CCDC197: variants seen among roughly 807,000 people sequenced by gnomAD.
CCDC197 encodes coiled-coil domain containing 197, also known as uncharacterized protein CCDC197.
In CCDC197, 24 loss-of-function variants were observed where a neutral mutation model predicts 13.4. That is an observed-to-expected ratio of 1.80 (90% CI 1.30 to 2.53). The LOEUF is 2.53. Among genes scored for constraint, CCDC197 ranks in the 30% most tolerant of loss-of-function variants. The pLI is 0.00. For synonymous variants in CCDC197, 99 were observed against 55.5 expected, an observed-to-expected ratio of 1.78 and a Z score of -3.48; for missense variants, 255 against 148.8, an observed-to-expected ratio of 1.71 and a Z score of -3.71.
At chr14:93,995,775 T>G (rs895968599), upstream of CCDC197, among the ~76,000 whole-genome samples, 1 of 152,140 alleles carries the variant, frequency 6.6e-6, no homozygotes, top group Non-Finnish European at 1.5e-5. Context: ...CTGTCCTCTC[T>G]GGATTTTCAG....
At chr14:93,987,427 G>A (rs1486984748) in intron 1 of CCDC197, 1 of 152,402 alleles carries the variant, frequency 6.6e-6, no homozygotes, top group East Asian at 1.9e-4. Context: ...CTTCTTGGTA[G>A]GGCCTCTGCG....
Position 94,003,824 on chromosome 14 carries a change from T to C in CCDC197, c.498+470T>C, listed in dbSNP as rs1195525078. ...CAGATGGGAAAACTGAGGCCACAGA[T>C]ATTTCAGGACAGAGCTCTGCCAAGA... On this transcript the variant is annotated intron_variant, in intron 5 of 6. Transcript: ENST00000636493. The surrounding 1 kb of genome is among the most constrained non-coding windows in gnomAD (Gnocchi z 5.0). 6.6e-6 allele frequency among the ~76,000 whole-genome samples: 1 copy of C among 152,204 alleles called. No homozygotes were observed. The highest frequency in any genetic ancestry group is 2.4e-5 in the African/African-American group (1 of 41,456).
chr14:94,005,132 C>G (rs1037640491), intron 6 of CCDC197, among the ~76,000 whole-genome samples, 161 bp downstream of exon 6: 3 of 152,106 alleles, frequency 2.0e-5, no homozygotes, highest in Admixed American at 6.5e-5. Context: ...GTCCTAAGGT[C>G]TCTATTAGTC....
At position 94,004,926 on chromosome 14, in the gene CCDC197, C is replaced by T. The variant is rs767778162; in HGVS notation, c.570C>T (p.Gly190=). 1.8e-5 allele frequency: 13 copies of T among 702,806 alleles called. No individual in the cohort carries two copies. Among genetic ancestry groups the T allele is most frequent in the South Asian group, 3.0e-5 (2 of 67,596 alleles). 43.5% of individuals were successfully genotyped at this position (702,806 alleles called of 1,614,324 possible). ...GGCAGTGCTGCCCCTCTGCCCACGG[C>T]GTGCCCAAGAGCATGGATCTCTTCT... The part of the protein sequence containing the change: ...MARQCCPSAH[G]VPKSMDLFSK... The change falls in exon 6 of 7, where the codon GGC becomes GGT. Residue 190 remains glycine (G), a synonymous_variant. Transcript: ENST00000636493.
intron 2 of CCDC197, among the ~76,000 whole-genome samples, chr14:93,998,552 G>A (rs1890393204): frequency 6.6e-6 from 1 of 152,236 alleles, no homozygotes; most frequent in Non-Finnish European, 1.5e-5. Context: ...TCTAAGGCCA[G>A]TCTACGAGGT....
chr14:93,990,629 T>C (rs714682), intron 1 of CCDC197, among the ~76,000 whole-genome samples: 1 of 151,948 alleles, frequency 6.6e-6, no homozygotes, highest in Non-Finnish European at 1.5e-5. Flanking sequence ...GAAGCTCCGA[T>C]TCACCCTCTA....
chr14:94,011,148 T>C (rs562806562), downstream of CCDC197, among the ~76,000 whole-genome samples: 1 of 152,310 alleles, frequency 6.6e-6, no homozygotes, highest in African/African-American at 2.4e-5. Context: ...ACGATGGGGC[T>C]GGACCGGGCA....
intron 5 of CCDC197, among the ~76,000 whole-genome samples, chr14:94,004,610 G>T (rs1480952733): frequency 2.0e-5 from 3 of 152,148 alleles, no homozygotes; most frequent in Non-Finnish European, 4.4e-5. Context: ...GATGCCTCCA[G>T]CCAGGAAGCC....
In CCDC197 at chr14:93,998,149, AG is replaced by A. The variant is rs1567041975; in HGVS notation, c.20del (p.Gly7AlafsTer47). On this transcript the variant is annotated frameshift_variant, in exon 2 of 7. Transcript: ENST00000636493. LOFTEE classifies it high-confidence loss of function. The part of the protein sequence containing the change: MAAMDT[G>X]QRADPSNPGD... ...GTGAGGTGATGGCAGCCATGGACAC[AG>A]GCCAGAGAGCTGACCCAAGCAATCC... is the stretch of plus-strand genomic sequence containing the variant. 1.3e-6 allele frequency: 1 copy of A among 780,752 alleles called. No homozygotes were observed. The allele number at this position is 780,752 out of a possible 1,614,324, so 48.4% of individuals were successfully genotyped here.
At chr14:93,998,876 C>T (rs1247970285) in intron 2 of CCDC197, among the ~76,000 whole-genome samples, 1 of 152,184 alleles carries the variant, frequency 6.6e-6, no homozygotes, top group Non-Finnish European at 1.5e-5. Flanking sequence ...TGCCCTGGGC[C>T]ACTCAGAAAC....
At chr14:93,998,269 C>A (rs1890383066) in intron 2 of CCDC197, 34 bp downstream of exon 2, 1 of 765,172 alleles carries the variant, frequency 1.3e-6, no homozygotes, top group Non-Finnish European at 2.4e-6. Flanking sequence ...CCAGCCCCAG[C>A]CCCAGTGCTT....
rs1350942250 is a variant in CCDC197, at chr14:93,997,403, G to A, written c.-302G>A. 2 of 152,226 alleles carry A rather than the reference G, an allele frequency of 1.3e-5. No individual in the cohort carries two copies. Among genetic ancestry groups the A allele is most frequent in the African/African-American group, 4.8e-5 (2 of 41,420 alleles). The allele number at this position is 152,226 out of a possible 1,614,324, so 9.4% of individuals were successfully genotyped here. A position where few individuals can be genotyped will look rare whatever the true frequency, so the allele number is the denominator to read the frequency against. On this transcript the variant is annotated 5_prime_UTR_variant, in exon 1 of 7. The change creates a premature stop within an existing upstream ORF in the 5' untranslated region. Transcript: ENST00000636493. ...CTCACCTTCTCTCCCCAATGCACTG[G>A]GCTGGTTCAGCAGCTGACCAATGAG...
chr14:93,999,421 G>A (rs899443056), intron 2 of CCDC197, 162 bp from the exon 3 acceptor site: 6 of 596,904 alleles, frequency 1.0e-5, no homozygotes, highest in African/African-American at 7.5e-5. Context: ...GTGAAATGAA[G>A]GTGCAGAGAC....
At chr14:93,995,121 C>T (rs529835600), upstream of CCDC197, among the ~76,000 whole-genome samples, 10 of 152,238 alleles carry the variant, frequency 6.6e-5, no homozygotes, top group Admixed American at 2.6e-4. Flanking sequence ...GAGTCACTCC[C>T]GCTGCCACGC....
In CCDC197 at chr14:94,003,040, A is replaced by G. The variant is rs1890573181; in HGVS notation, c.367-183A>G. Among the ~76,000 whole-genome samples, 1 of 152,034 alleles carries G rather than the reference A, an allele frequency of 6.6e-6. No homozygotes were observed. The highest frequency in any genetic ancestry group is 6.6e-5 in the Admixed American group (1 of 15,256). ...ATAAAATTATCAGGAACTGGGGCTC[A>G]GGTAAACTCCATCAGCCTGGACACG... is the stretch of plus-strand genomic sequence containing the variant. On this transcript the variant is annotated intron_variant, in intron 4 of 6. Coordinates refer to ENST00000636493, the MANE Select transcript of CCDC197 (RefSeq NM_001351596.2). This position sits in a 1 kb window ranked among gnomAD's most constrained non-coding sequence, Gnocchi z 5.0.
downstream of CCDC197, among the ~76,000 whole-genome samples, chr14:94,011,124 G>A (rs1003377050): frequency 2.0e-5 from 3 of 152,148 alleles, no homozygotes; most frequent in East Asian, 3.8e-4. Flanking sequence ...CCTGGACTTC[G>A]GAATTCCCTC....
At chr14:94,009,716 G>A (rs1037776320), downstream of CCDC197, among the ~76,000 whole-genome samples, 2 of 152,082 alleles carry the variant, frequency 1.3e-5, no homozygotes, top group African/African-American at 4.8e-5. Context: ...GTGACAGAGC[G>A]AGACCCTGTC....
At chr14:94,001,494 C>G (rs1008319462) in intron 4 of CCDC197, 171 bp downstream of exon 4, 1 of 540,854 alleles carries the variant, frequency 1.8e-6, no homozygotes, top group Non-Finnish European at 3.3e-6. Flanking sequence ...CCCTTCCTCT[C>G]CCCTCTGCTG....
rs561729953 is a variant in CCDC197 at position 94,003,126 on chromosome 14, C to T, written c.367-97C>T. ...AGCCACCCACAAGTATTCCTTCCTC[C>T]TATCCTGTCATTGCACAGACCACCC... is the stretch of plus-strand genomic sequence containing the variant. On this transcript the variant is annotated intron_variant, in intron 4 of 6. Transcript: ENST00000636493. This position sits in a 1 kb window ranked among gnomAD's most constrained non-coding sequence, Gnocchi z 5.0. 36 of 676,834 alleles carry T rather than the reference C, an allele frequency of 5.3e-5. No homozygotes were observed. Among genetic ancestry groups the T allele is most frequent in the Non-Finnish European group, 8.1e-5 (30 of 368,922 alleles). The allele number at this position is 676,834 out of a possible 1,614,324, so 41.9% of individuals were successfully genotyped here. A position where few individuals can be genotyped will look rare whatever the true frequency, so the allele number is the denominator to read the frequency against.
Sources: allele counts gnomAD v4.1 joint callset (sites outside exome capture counted in the v4.1 genomes callset), GRCh38; gene constraint gnomAD v4.1.1; non-coding constraint Gnocchi (gnomAD v3.1); transcripts MANE v1.5; gene names NCBI Gene and HGNC (gene_info 2026-07-23, HGNC 2026-07-21).